DBF4: variants seen among roughly 807,000 people sequenced by gnomAD.
DBF4 encodes DBF4-CDC7 kinase regulatory subunit.
Under a neutral mutation model 76.6 loss-of-function variants are expected in DBF4, and 25 were observed. The observed-to-expected ratio is 0.33, with a 90% CI of 0.24 to 0.46. The LOEUF is 0.46. DBF4 is among the 20% of genes least tolerant of loss of function. The pLI, the probability that DBF4 is intolerant of heterozygous loss-of-function variation, is 1.00. For missense variants in DBF4, 638 were observed against 760.8 expected, an observed-to-expected ratio of 0.84 and a Z score of 1.90; for synonymous variants, 213 against 258.0, an observed-to-expected ratio of 0.83 and a Z score of 1.67.
chr7:87,887,383 A>G lies in DBF4; in HGVS notation c.505A>G (p.Ile169Val). The G allele has an allele frequency of 6.4e-7, 1 of 1,569,458 alleles. No individual in the cohort carries two copies. The highest frequency in any genetic ancestry group is 8.7e-7 in the Non-Finnish European group (1 of 1,148,184). Reference sequence around the variant, plus strand: ...AAATGCCTTGTCATGGGGAGTAAAAATTCTTCATATTGATGGTAAGGATTT... The same window carrying G: ...AAATGCCTTGTCATGGGGAGTAAAAGTTCTTCATATTGATGGTAAGGATTT... ...LSNALSWGVKILHIDDIRYYI... is the reference protein window; with the variant it reads ...LSNALSWGVKVLHIDDIRYYI... Residue 169 changes from isoleucine to valine, a missense_variant, in exon 5 of 12, where the codon ATT (isoleucine) becomes GTT (valine). Transcript: ENST00000265728.
intron 2 of DBF4, among the ~76,000 whole-genome samples, chr7:87,882,561 A>G (rs144531366): frequency 1.1e-3 from 171 of 152,346 alleles, no homozygotes; most frequent in African/African-American, 4.0e-3. Context: ...TGCAAATTGT[A>G]CATCTGCTAA....
At chr7:87,905,762 G>T (rs1429423044) in intron 11 of DBF4, among the ~76,000 whole-genome samples, 1 of 152,098 alleles carries the variant, frequency 6.6e-6, no homozygotes, top group Non-Finnish European at 1.5e-5. Flanking sequence ...TTTTACTTCA[G>T]GTAAAACAGT....
intron 7 of DBF4, 138 bp downstream of exon 7, chr7:87,896,648 A>G: frequency 1.5e-6 from 1 of 673,842 alleles, no homozygotes; most frequent in South Asian, 2.5e-5. Context: ...ATCCTTGGTG[A>G]AGTTTGGTGA....
intron 4 of DBF4, among the ~76,000 whole-genome samples, 186 bp from the exon 5 acceptor site, chr7:87,887,143 G>T (rs1839376273): frequency 6.6e-6 from 1 of 152,154 alleles, no homozygotes; most frequent in Admixed American, 6.5e-5. Flanking sequence ...AAGGATGTGG[G>T]TATAAAGTGG....
chr7:87,877,657 T>G (rs1839102269), intron 1 of DBF4, among the ~76,000 whole-genome samples: 1 of 152,220 alleles, frequency 6.6e-6, no homozygotes, highest in Non-Finnish European at 1.5e-5. Flanking sequence ...TAACAGAGGA[T>G]TCTTTCATCG....
intron 6 of DBF4, among the ~76,000 whole-genome samples, chr7:87,891,590 T>C (rs192894205): frequency 3.3e-4 from 51 of 152,324 alleles, no homozygotes; most frequent in Admixed American, 5.9e-4. Context: ...TACTCCCTTA[T>C]TAACTTTGTA....
intron 7 of DBF4, 113 bp downstream of exon 7, chr7:87,896,623 C>A: frequency 1.1e-6 from 1 of 908,794 alleles, no homozygotes; most frequent in Non-Finnish European, 1.7e-6. Context: ...CTTTCTTCGT[C>A]TTTATAGAAC....
At chr7:87,904,108 C>T (rs1839859461) in intron 10 of DBF4, among the ~76,000 whole-genome samples, 184 bp from the exon 11 acceptor site, 1 of 152,166 alleles carries the variant, frequency 6.6e-6, no homozygotes, top group African/African-American at 2.4e-5. Context: ...ACTGGCTTCT[C>T]AAAAGTGACT....
Position 87,909,274 on chromosome 7 carries a change from TTGAGTA to T in DBF4, c.*1114_*1119del, listed in dbSNP as rs1839985353. ...ATCTGTGGATATAAGGCATTTGCCT[TTGAGTA>T]TGTTCTTGTAGGAGTAAGACTACCA... On this transcript the variant is annotated 3_prime_UTR_variant, in exon 12 of 12. Coordinates refer to ENST00000265728, the MANE Select transcript of DBF4 (RefSeq NM_006716.4). 3 of 152,338 alleles carry T rather than the reference TTGAGTA, an allele frequency of 2.0e-5. No homozygotes were observed. The South Asian group carries it at 6.2e-4, about 32-fold the overall frequency. 9.4% of individuals were successfully genotyped at this position (152,338 alleles called of 1,614,324 possible).
At chr7:87,878,840 TTC>T (rs1839136348) in intron 2 of DBF4, among the ~76,000 whole-genome samples, 1 of 152,246 alleles carries the variant, frequency 6.6e-6, no homozygotes, top group South Asian at 2.1e-4. Flanking sequence ...TAAGATTTTT[TTC>T]TGTTTAAAAG....
chr7:87,877,133 C>T lies in DBF4; in HGVS notation c.46+355C>T, dbSNP rs573453174. On this transcript the variant is annotated intron_variant, in intron 1 of 11. Transcript: ENST00000265728. ...CCTCCGCCCGGGCCCTTGGAGGCGA[C>T]GGACTGCATCCTCAATTTAAAGTCA... 1.7e-4 allele frequency among the ~76,000 whole-genome samples: 26 copies of T among 152,344 alleles called. No homozygotes were observed. In the East Asian group the frequency reaches 3.9e-3, roughly 23 times the overall value.
At chr7:87,898,739 C>T (rs975677746) in intron 8 of DBF4, among the ~76,000 whole-genome samples, 2 of 147,596 alleles carry the variant, frequency 1.4e-5, no homozygotes, top group African/African-American at 2.5e-5. Context: ...TGCAGTGAGC[C>T]GAGATCACGC....
chr7:87,902,844 A>G (rs1839821673), intron 10 of DBF4, among the ~76,000 whole-genome samples: 2 of 152,224 alleles, frequency 1.3e-5, no homozygotes, highest in South Asian at 4.1e-4. Context: ...TAGTTTTTAG[A>G]AATGTAATAA....
At position 87,876,770 on chromosome 7, in the gene DBF4, A is replaced by G. The variant is rs752884382; in HGVS notation, c.38A>G (p.His13Arg). 1.2e-6 allele frequency: 2 copies of G among 1,614,078 alleles called. No individual in the cohort carries two copies. The highest frequency in any genetic ancestry group is 8.5e-7 in the Non-Finnish European group (1 of 1,179,976). Reference sequence around the variant, plus strand: ...GCCATGAGGATCCACAGTAAAGGACATTTCCAGGGTAAGAAGCCCCTCCTC... The same window carrying G: ...GCCATGAGGATCCACAGTAAAGGACGTTTCCAGGGTAAGAAGCCCCTCCTC... ...SGAMRIHSKG[H>R]FQGGIQVKNE... The change falls in exon 1 of 12, where the codon CAT becomes CGT. Residue 13 changes from histidine (H) to arginine (R), a missense_variant. Transcript: ENST00000265728.
At chr7:87,899,263 A>G (rs897811043) in intron 8 of DBF4, among the ~76,000 whole-genome samples, 1 of 152,232 alleles carries the variant, frequency 6.6e-6, no homozygotes, top group Non-Finnish European at 1.5e-5. Context: ...TTCTGTGCCT[A>G]AAGGGATATA....
intron 6 of DBF4, among the ~76,000 whole-genome samples, chr7:87,889,998 T>C (rs1318804152): frequency 6.6e-6 from 1 of 152,224 alleles, no homozygotes; most frequent in African/African-American, 2.4e-5. Flanking sequence ...GTTTGGATTG[T>C]ATATAGAAGT....
intron 7 of DBF4, among the ~76,000 whole-genome samples, chr7:87,896,751 G>T (rs1443641072): frequency 6.6e-6 from 1 of 152,120 alleles, no homozygotes; most frequent in Non-Finnish European, 1.5e-5. Context: ...ATATTAAAAT[G>T]TAGTTACCAA....
intron 8 of DBF4, among the ~76,000 whole-genome samples, chr7:87,898,839 T>TG (rs1413032811): frequency 1.3e-5 from 2 of 151,362 alleles, no homozygotes; most frequent in Non-Finnish European, 2.9e-5. Flanking sequence ...TCACACTTTC[T>TG]GGTTTTAAAA....
At chr7:87,884,536 A>G (rs1268299107) in intron 2 of DBF4, among the ~76,000 whole-genome samples, 2 of 152,210 alleles carry the variant, frequency 1.3e-5, no homozygotes, top group Admixed American at 6.5e-5. Flanking sequence ...TTCACTTTTT[A>G]TCCTGCAGAA....
Sources: allele counts gnomAD v4.1 joint callset (sites outside exome capture counted in the v4.1 genomes callset), GRCh38; gene constraint gnomAD v4.1.1; transcripts MANE v1.5; gene names NCBI Gene and HGNC (gene_info 2026-07-23, HGNC 2026-07-21).